Variants in TENT2 observed in about 807,000 individuals in gnomAD.
TENT2 encodes the protein poly(A) RNA polymerase GLD2.
Under a neutral mutation model 72.2 loss-of-function variants are expected in TENT2, and 44 were observed. That is an observed-to-expected ratio of 0.61 (90% CI 0.48 to 0.78). The LOEUF (loss-of-function observed/expected upper bound fraction) is 0.78, where lower values mean the gene tolerates loss of function less well. Ranked by LOEUF, TENT2 falls within the 30% of genes least tolerant of loss-of-function variation. TENT2 has a pLI of 0.00. For synonymous variants in TENT2, 212 were observed against 192.5 expected (o/e 1.10, Z -0.84); for missense variants, 541 against 569.6 (o/e 0.95, Z 0.51).
intron 4 of TENT2, among the ~76,000 whole-genome samples, chr5:79,637,625 C>A (rs1459007943): frequency 1.3e-5 from 2 of 151,946 alleles, no homozygotes; most frequent in African/African-American, 4.8e-5. Context: ...GGAGGTTTTG[C>A]CATGTTACCA....
chr5:79,658,358 CTTTT>C (rs35709204), intron 11 of TENT2, among the ~76,000 whole-genome samples: 1 of 143,074 alleles, frequency 7.0e-6, no homozygotes, highest in African/African-American at 2.6e-5. Flanking sequence ...TTTATTTATT[CTTTT>C]TTTTTTTTTT....
At chr5:79,650,268 G>C (rs1015028564) in intron 10 of TENT2, among the ~76,000 whole-genome samples, 1 of 152,008 alleles carries the variant, frequency 6.6e-6, no homozygotes, top group African/African-American at 2.4e-5. Flanking sequence ...AGGTATTCTA[G>C]GATCTGAGAA....
chr5:79,650,317 C>T (rs1160785857), intron 10 of TENT2, among the ~76,000 whole-genome samples: 1 of 152,050 alleles, frequency 6.6e-6, no homozygotes, highest in Non-Finnish European at 1.5e-5. Context: ...TTACCTTCTT[C>T]ATGAAGCTTA....
At chr5:79,673,011 T>C (rs907911243) in intron 12 of TENT2, among the ~76,000 whole-genome samples, 8 of 152,354 alleles carry the variant, frequency 5.3e-5, no homozygotes, top group Middle Eastern at 3.4e-3. Context: ...TGATACCTCA[T>C]TGCAGTTTTG....
Position 79,685,346 on chromosome 5 carries a change from C to A in TENT2, c.*73C>A. On this transcript the variant is annotated 3_prime_UTR_variant, in exon 15 of 15. Transcript: ENST00000453514. ...GTTTCATCATAATACATTATGTTTA[C>A]CTCCATCATAGTTGCTTTTTTCATA... 1 of 1,083,698 alleles carries A rather than the reference C, an allele frequency of 9.2e-7. No homozygotes were observed. The highest frequency in any genetic ancestry group is 1.3e-6 in the Non-Finnish European group (1 of 761,952). 67.1% of individuals were successfully genotyped at this position (1,083,698 alleles called of 1,614,324 possible). A position where few individuals can be genotyped will look rare whatever the true frequency, so the allele number is the denominator to read the frequency against.
intron 1 of TENT2, among the ~76,000 whole-genome samples, 172 bp from the exon 2 acceptor site, chr5:79,619,440 A>G (rs1475301489): frequency 1.3e-5 from 2 of 152,204 alleles, no homozygotes; most frequent in Non-Finnish European, 2.9e-5. Flanking sequence ...TTTGGAATTT[A>G]TTATTAGTTT....
rs528863493 is a variant in TENT2, at chr5:79,674,186, A to C, written c.1208+5158A>C. Among the ~76,000 whole-genome samples, 110 of 152,296 alleles carry C rather than the reference A, an allele frequency of 7.2e-4. 1 individual carries two copies. Among genetic ancestry groups the C allele is most frequent in the Admixed American group, 3.5e-3 (53 of 15,294 alleles). The stretch of plus-strand genomic sequence containing the variant: ...ATCATGAGGTCAGGAGTTGGAGATC[A>C]ACCTGACCAACATGGTGAAACCCCA... On this transcript the variant is annotated intron_variant, in intron 12 of 14. Coordinates refer to ENST00000453514, the MANE Select transcript of TENT2 (RefSeq NM_001114394.3).
chr5:79,637,945 G>A (rs1314922870), intron 4 of TENT2, among the ~76,000 whole-genome samples: 1 of 151,830 alleles, frequency 6.6e-6, no homozygotes, highest in African/African-American at 2.4e-5. Context: ...CTACAGGCAC[G>A]TGCCACTGTT....
chr5:79,645,329 T>G (rs1787940688), intron 8 of TENT2, 137 bp downstream of exon 8: 1 of 701,792 alleles, frequency 1.4e-6, no homozygotes, highest in Non-Finnish European at 2.2e-6. Flanking sequence ...TTTGACTTGG[T>G]GTTTGAAATG....
At chr5:79,627,271 C>G (rs796442175) in intron 4 of TENT2, among the ~76,000 whole-genome samples, 10 of 151,696 alleles carry the variant, frequency 6.6e-5, no homozygotes, top group African/African-American at 2.2e-4. Flanking sequence ...ACTGTTAGAA[C>G]TAACTAACTG....
chr5:79,619,364 G>A (rs1226174680), intron 1 of TENT2, among the ~76,000 whole-genome samples: 1 of 152,136 alleles, frequency 6.6e-6, no homozygotes, highest in Admixed American at 6.5e-5. Flanking sequence ...AAAAGTATTA[G>A]GGTAAATTAA....
intron 11 of TENT2, among the ~76,000 whole-genome samples, chr5:79,667,649 G>T (rs1396534671): frequency 1.3e-5 from 2 of 152,156 alleles, no homozygotes; most frequent in Non-Finnish European, 2.9e-5. Flanking sequence ...TGAGAGAAAG[G>T]TAATCACTTC....
In TENT2 at chr5:79,649,021, A is replaced by C. The variant is rs1454754478; in HGVS notation, c.899-41A>C. On this transcript the variant is annotated intron_variant, in intron 9 of 14. Coordinates refer to ENST00000453514, the MANE Select transcript of TENT2 (RefSeq NM_001114394.3). The stretch of plus-strand genomic sequence containing the variant: ...AATGATGTAAACTTTCAAAGAAACT[A>C]TAACGTCTCTTACCATGTTAAGTTT... 4 of 1,596,522 alleles carry C rather than the reference A, an allele frequency of 2.5e-6. No individual in the cohort carries two copies. The East Asian group carries it at 9.0e-5, about 36-fold the overall frequency.
chr5:79,685,054 T>C (rs943191356), intron 14 of TENT2, 145 bp from the exon 15 acceptor site: 10 of 638,888 alleles, frequency 1.6e-5, no homozygotes, highest in African/African-American at 1.9e-5. Context: ...TGAGACCTTA[T>C]CTCAAAAAAA....
At position 79,679,568 on chromosome 5, in the gene TENT2, T is replaced by G. The variant is rs1820122044; in HGVS notation, c.1209-11T>G. The G allele has an allele frequency of 6.4e-7, 1 of 1,570,588 alleles. No individual in the cohort carries two copies. Among genetic ancestry groups the G allele is most frequent in the East Asian group, 2.2e-5 (1 of 44,590 alleles). On this transcript the variant is annotated splice_polypyrimidine_tract_variant and intron_variant, in intron 12 of 14. Transcript: ENST00000453514. ...AAATAGTTAACATGGTTACTGTTTT[T>G]CTTCTTATAGCTGGAATAGTCAAAT...
At chr5:79,638,033 C>T (rs1781562656) in intron 4 of TENT2, among the ~76,000 whole-genome samples, 1 of 150,796 alleles carries the variant, frequency 6.6e-6, no homozygotes, top group Admixed American at 6.6e-5. Flanking sequence ...CTCTTGACCT[C>T]GTGATCTGCC....
intron 12 of TENT2, among the ~76,000 whole-genome samples, chr5:79,675,535 C>G (rs1816595670): frequency 1.3e-5 from 2 of 152,160 alleles, no homozygotes; most frequent in Non-Finnish European, 2.9e-5. Context: ...TAAGAGCCCT[C>G]TTTAGCTAAG....
At chr5:79,649,020 TA>T (rs777566457) in intron 9 of TENT2, 41 bp from the exon 10 acceptor site, 11 of 1,595,338 alleles carry the variant, frequency 6.9e-6, no homozygotes, top group Admixed American at 1.7e-5. Flanking sequence ...TCAAAGAAAC[TA>T]TAACGTCTCT....
chr5:79,663,780 G>A (rs531606367), intron 11 of TENT2, among the ~76,000 whole-genome samples: 6 of 152,214 alleles, frequency 3.9e-5, no homozygotes, highest in South Asian at 4.1e-4. Context: ...GTGCGCACAC[G>A]CTGCTGGAAA....
Sources: gnomAD v4.1 joint callset for allele counts (sites outside exome capture counted in the v4.1 genomes callset) on GRCh38, gnomAD v4.1.1 for gene constraint, MANE v1.5 for transcripts, NCBI Gene and HGNC (gene_info 2026-07-23, HGNC 2026-07-21) for gene names.